The following PTPRD variants were observed in gnomAD, a reference collection of about 807,000 sequenced individuals.
PTPRD encodes the protein protein tyrosine phosphatase receptor type D.
PTPRD carries 34 observed loss-of-function variants against 214.5 expected under a neutral mutation model. That is an observed-to-expected ratio of 0.16 (90% CI 0.12 to 0.21). The LOEUF (loss-of-function observed/expected upper bound fraction) is 0.21, where lower values mean the gene tolerates loss of function less well. Ranked by LOEUF, PTPRD falls within the 10% of genes least tolerant of loss-of-function variation. The pLI, the probability that PTPRD is intolerant of heterozygous loss-of-function variation, is 1.00. For synonymous variants in PTPRD, 1,128 were observed against 845.7 expected, an observed-to-expected ratio of 1.33 and a Z score of -5.79; for missense variants, 2,545 against 2,398.7, an observed-to-expected ratio of 1.06 and a Z score of -1.27.
intron 11 of PTPRD, among the ~76,000 whole-genome samples, chr9:8,776,374 C>G (rs1333434200): frequency 6.6e-6 from 1 of 152,116 alleles, no homozygotes; most frequent in African/African-American, 2.4e-5. Context: ...GCAATCTTGG[C>G]TCACTGCAGT....
chr9:8,974,377 C>T (rs1001463949), intron 11 of PTPRD, among the ~76,000 whole-genome samples: 1 of 152,012 alleles, frequency 6.6e-6, no homozygotes, highest in Non-Finnish European at 1.5e-5. Flanking sequence ...TGTACCAACT[C>T]TTGGGTATAC....
intron 14 of PTPRD, among the ~76,000 whole-genome samples, chr9:8,559,741 G>C (rs2085415741): frequency 6.6e-6 from 1 of 152,194 alleles, no homozygotes; most frequent in Non-Finnish European, 1.5e-5. Flanking sequence ...CACCTGTGTT[G>C]ATTGCTTGAG....
At chr9:8,461,849 C>T (rs999546967) in intron 32 of PTPRD, among the ~76,000 whole-genome samples, 2 of 151,762 alleles carry the variant, frequency 1.3e-5, no homozygotes, top group Admixed American at 1.3e-4. Flanking sequence ...GGGGTCTCAC[C>T]ATGTTTCCCA....
intron 7 of PTPRD, among the ~76,000 whole-genome samples, chr9:9,716,362 T>C (rs1277114511): frequency 6.6e-6 from 1 of 151,646 alleles, no homozygotes; most frequent in Non-Finnish European, 1.5e-5. Context: ...CCTTTGGGTA[T>C]ATACCCAGTA....
intron 39 of PTPRD, among the ~76,000 whole-genome samples, chr9:8,342,609 G>A (rs1853543084): frequency 6.6e-6 from 1 of 151,984 alleles, no homozygotes; most frequent in Non-Finnish European, 1.5e-5. Flanking sequence ...ACCATCTTAG[G>A]TAACAGGCAA....
At chr9:8,658,854 T>A (rs964503826) in intron 12 of PTPRD, among the ~76,000 whole-genome samples, 1 of 152,108 alleles carries the variant, frequency 6.6e-6, no homozygotes, top group African/African-American at 2.4e-5. Context: ...ATCCCTGATA[T>A]ATAAAATGAC....
chr9:8,388,616 A>C (rs764632579), intron 37 of PTPRD, among the ~76,000 whole-genome samples: 2 of 152,162 alleles, frequency 1.3e-5, no homozygotes, highest in African/African-American at 4.8e-5. Flanking sequence ...ACGATGAATA[A>C]AACTCTTTTC....
At chr9:8,747,112 T>C (rs2092913382) in intron 11 of PTPRD, among the ~76,000 whole-genome samples, 1 of 152,174 alleles carries the variant, frequency 6.6e-6, no homozygotes, top group Non-Finnish European at 1.5e-5. Flanking sequence ...AATGTTTCCA[T>C]CACAAACTGA....
intron 34 of PTPRD, among the ~76,000 whole-genome samples, chr9:8,444,650 T>G (rs1166478814): frequency 6.6e-6 from 1 of 152,138 alleles, no homozygotes; most frequent in Non-Finnish European, 1.5e-5. Context: ...TACACAAAAT[T>G]AAAGAGTAAC....
chr9:9,536,528 T>C (rs954587714), intron 8 of PTPRD, among the ~76,000 whole-genome samples: 3 of 152,038 alleles, frequency 2.0e-5, no homozygotes, highest in African/African-American at 7.2e-5. Flanking sequence ...AGATTTCAAA[T>C]TACGATCTGA....
intron 11 of PTPRD, among the ~76,000 whole-genome samples, chr9:8,773,187 G>C (rs1044630571): frequency 1.3e-5 from 2 of 152,098 alleles, no homozygotes; most frequent in Non-Finnish European, 2.9e-5. Context: ...TGGGTAGTTT[G>C]TTCACATGCA....
At chr9:8,507,226 G>A in intron 22 of PTPRD, 75 bp downstream of exon 22, 1 of 1,525,262 alleles carries the variant, frequency 6.6e-7, no homozygotes, top group Non-Finnish European at 8.9e-7. Context: ...CCAAGAATGT[G>A]GATAAATACA....
At chr9:10,147,360 G>A (rs1300416967) in intron 3 of PTPRD, among the ~76,000 whole-genome samples, 3 of 152,074 alleles carry the variant, frequency 2.0e-5, no homozygotes, top group Admixed American at 6.6e-5. Context: ...GTACCCAAAT[G>A]ACTATAAATC....
intron 11 of PTPRD, among the ~76,000 whole-genome samples, chr9:8,877,008 C>T (rs1287614448): frequency 6.6e-6 from 1 of 151,878 alleles, no homozygotes; most frequent in Non-Finnish European, 1.5e-5. Flanking sequence ...CTCACAGCAA[C>T]CTCTGCCCCC....
intron 9 of PTPRD, among the ~76,000 whole-genome samples, chr9:9,280,045 A>G (rs995347613): frequency 1.3e-5 from 2 of 151,380 alleles, no homozygotes; most frequent in Non-Finnish European, 3.0e-5. Flanking sequence ...ACAATGCTTT[A>G]GCATAGCAAA....
chr9:8,573,322 TTAATA>T (rs2091629181), intron 14 of PTPRD, among the ~76,000 whole-genome samples: 1 of 152,058 alleles, frequency 6.6e-6, no homozygotes, highest in African/African-American at 2.4e-5. Context: ...CAGTATGTAT[TTAATA>T]TATTTATTCC....
chr9:10,529,252 A>G (rs570538141), intron 2 of PTPRD, among the ~76,000 whole-genome samples: 1 of 152,270 alleles, frequency 6.6e-6, no homozygotes, highest in Admixed American at 6.5e-5. Flanking sequence ...TCATTCTACT[A>G]TAAAGACACA....
chr9:10,588,524 G>T (rs554078204), intron 2 of PTPRD, among the ~76,000 whole-genome samples: 13 of 151,530 alleles, frequency 8.6e-5, no homozygotes, highest in African/African-American at 3.1e-4. Flanking sequence ...AAATGGCCCA[G>T]CCATGGAATC....
intron 4 of PTPRD, among the ~76,000 whole-genome samples, chr9:9,987,887 G>T (rs1012739008): frequency 6.6e-6 from 1 of 152,120 alleles, no homozygotes; most frequent in East Asian, 1.9e-4. Flanking sequence ...CATTTTTGCA[G>T]AAGGAATGTT....
Sources: allele counts gnomAD v4.1 joint callset (sites outside exome capture counted in the v4.1 genomes callset), GRCh38; gene constraint gnomAD v4.1.1; transcripts MANE v1.5; gene names NCBI Gene and HGNC (gene_info 2026-07-23, HGNC 2026-07-21).